CMTM4: variants seen among roughly 807,000 people sequenced by gnomAD.
CMTM4 encodes the protein CKLF-like MARVEL transmembrane domain-containing protein 4.
A neutral mutation model predicts 19.0 loss-of-function variants in CMTM4; 8 were observed. That is an observed-to-expected ratio of 0.42 (90% CI 0.25 to 0.76). The LOEUF is 0.76. Among genes scored for constraint, CMTM4 ranks in the 30% least tolerant of loss-of-function variants. The pLI is 0.27. For synonymous variants in CMTM4, 106 were observed against 121.1 expected, an observed-to-expected ratio of 0.88 and a Z score of 0.82; for missense variants, 228 against 290.2, an observed-to-expected ratio of 0.79 and a Z score of 1.56.
chr16:66,609,274 C>T, the CMTM4 span: 8 of 625,506 alleles, frequency 1.3e-5, no homozygotes, highest in Admixed American at 2.9e-5. The surrounding 1 kb of genome is among the most constrained non-coding windows in gnomAD (Gnocchi z 4.4). Flanking sequence ...AGAGGCACCT[C>T]GGGGGTGGGA....
rs78821417 is a variant in CMTM4, at chr16:66,658,865, G to A, written c.187-22284C>T. 2.4e-4 allele frequency among the ~76,000 whole-genome samples: 37 copies of A among 152,266 alleles called. No homozygotes were observed. The East Asian group carries it at 6.9e-3, about 29-fold the overall frequency. On this transcript the variant is annotated intron_variant, in intron 1 of 3. Coordinates refer to ENST00000394106, the MANE Select transcript of CMTM4 (RefSeq NM_181521.3). ...AGCATCAGTAGCTATTAAAGCCACC[G>A]ATGCGGAATTTCAAACAGATGGATC...
At chr16:66,669,708 AT>A (rs796294713) in intron 1 of CMTM4, among the ~76,000 whole-genome samples, 177 of 151,234 alleles carry the variant, frequency 1.2e-3, no homozygotes, top group African/African-American at 4.1e-3. Flanking sequence ...TGCCTGGCTA[AT>A]TTTTTTTTGT....
intron 1 of CMTM4, among the ~76,000 whole-genome samples, chr16:66,665,037 G>A (rs936697417): frequency 4.6e-5 from 7 of 151,922 alleles, no homozygotes; most frequent in South Asian, 2.1e-4. Flanking sequence ...TTGACCTACC[G>A]GGCTCAAGTG....
chr16:66,618,613 T>C lies in CMTM4; in HGVS notation c.*3445A>G. On this transcript the variant is annotated 3_prime_UTR_variant, in exon 4 of 4. Transcript: ENST00000394106. ...ACCCACTAGGGTTGTTCAGGTCTCA[T>C]TCACTGCAAGCAAGAATTCACGTAC... 1.0e-6 allele frequency: 1 copy of C among 985,480 alleles called. No individual in the cohort carries two copies. Among genetic ancestry groups the C allele is most frequent in the South Asian group, 4.7e-5 (1 of 21,288 alleles). 61.0% of individuals were successfully genotyped at this position (985,480 alleles called of 1,614,324 possible).
the CMTM4 span, chr16:66,609,272 C>A: frequency 1.3e-5 from 8 of 624,600 alleles, no homozygotes; most frequent in African/African-American, 1.8e-5. The surrounding 1 kb of genome is among the most constrained non-coding windows in gnomAD (Gnocchi z 4.4). Flanking sequence ...GCAGAGGCAC[C>A]TCGGGGGTGG....
chr16:66,668,833 G>A (rs931283329), intron 1 of CMTM4, among the ~76,000 whole-genome samples: 2 of 152,048 alleles, frequency 1.3e-5, no homozygotes, highest in African/African-American at 4.8e-5. Context: ...TAAAAAAAAG[G>A]ACTATGAAGG....
intron 2 of CMTM4, among the ~76,000 whole-genome samples, chr16:66,627,973 G>A (rs1023165465): frequency 6.6e-6 from 1 of 152,028 alleles, no homozygotes. Flanking sequence ...ATAGGGAGAA[G>A]GTCAGCAAAA....
Position 66,620,437 on chromosome 16 carries a change from A to G in CMTM4, c.*1621T>C. 1 of 985,442 alleles carries G rather than the reference A, an allele frequency of 1.0e-6. No homozygotes were observed. Among genetic ancestry groups the G allele is most frequent in the Non-Finnish European group, 1.2e-6 (1 of 829,958 alleles). 61.0% of individuals were successfully genotyped at this position (985,442 alleles called of 1,614,324 possible). A position where few individuals can be genotyped will look rare whatever the true frequency, so the allele number is the denominator to read the frequency against. ...CTGCTCCCAACTCAGATCGTACTGAAGGTGTTGGTGCAGGAAGCTAACCCC... is the reference window on the plus strand; with the variant it reads ...CTGCTCCCAACTCAGATCGTACTGAGGGTGTTGGTGCAGGAAGCTAACCCC... On this transcript the variant is annotated 3_prime_UTR_variant, in exon 4 of 4. Coordinates refer to ENST00000394106, the MANE Select transcript of CMTM4 (RefSeq NM_181521.3).
At chr16:66,695,408 T>G (rs1264643241) in intron 1 of CMTM4, among the ~76,000 whole-genome samples, 1 of 152,168 alleles carries the variant, frequency 6.6e-6, no homozygotes, top group South Asian at 2.1e-4. Flanking sequence ...TATAAAGTTT[T>G]GAGGCCGGTG....
In CMTM4 at chr16:66,620,466, T is replaced by TCCGA; in HGVS notation, c.*1588_*1591dup. On this transcript the variant is annotated 3_prime_UTR_variant, in exon 4 of 4. Transcript: ENST00000394106. ...GTTGGTGCAGGAAGCTAACCCCAAC[T>TCCGA]CCGACCCCCAGCCCAGCAGTGTTGC... is the stretch of plus-strand genomic sequence containing the variant. The TCCGA allele has an allele frequency of 1.2e-5, 12 of 985,428 alleles. No homozygotes were observed. Among genetic ancestry groups the TCCGA allele is most frequent in the Non-Finnish European group, 1.4e-5 (12 of 830,004 alleles). 61.0% of individuals were successfully genotyped at this position (985,428 alleles called of 1,614,324 possible).
At chr16:66,634,340 TG>T (rs2015947319) in intron 2 of CMTM4, among the ~76,000 whole-genome samples, 1 of 150,692 alleles carries the variant, frequency 6.6e-6, no homozygotes, top group Non-Finnish European at 1.5e-5. Context: ...CTAGGGAGGG[TG>T]AGGCAGGAGA....
intron 2 of CMTM4, among the ~76,000 whole-genome samples, chr16:66,630,901 T>TGCCCCGCC (rs1360490381): frequency 1.6e-4 from 24 of 148,826 alleles, no homozygotes; most frequent in Non-Finnish European, 3.4e-4. Context: ...GGAGCGCCTC[T>TGCCCCGCC]GCCCCGCCGC....
At chr16:66,642,783 G>A (rs1397557972) in intron 1 of CMTM4, among the ~76,000 whole-genome samples, 1 of 152,144 alleles carries the variant, frequency 6.6e-6, no homozygotes, top group African/African-American at 2.4e-5. Context: ...CCACAACTGT[G>A]GCAAATTATG....
At chr16:66,684,249 T>G (rs1002231330) in intron 1 of CMTM4, among the ~76,000 whole-genome samples, 2 of 152,108 alleles carry the variant, frequency 1.3e-5, no homozygotes, top group African/African-American at 2.4e-5. Context: ...CTCGGCTTAC[T>G]GAAACCTCCA....
At chr16:66,688,422 C>T (rs2017075152) in intron 1 of CMTM4, among the ~76,000 whole-genome samples, 1 of 152,044 alleles carries the variant, frequency 6.6e-6, no homozygotes, top group Admixed American at 6.6e-5. Context: ...AAGTGAGAGA[C>T]CTGCAGGAGA....
At chr16:66,610,145 A>G, downstream of CMTM4, 1 of 1,029,750 alleles carries the variant, frequency 9.7e-7, no homozygotes. The surrounding 1 kb of genome is among the most constrained non-coding windows in gnomAD (Gnocchi z 4.6). Context: ...ATTCTCACCT[A>G]CCCTCATGCA....
chr16:66,649,459 C>CATCT (rs71378403), intron 1 of CMTM4, among the ~76,000 whole-genome samples: 55,388 of 149,318 alleles, frequency 0.37, 10,458 homozygotes, highest in Middle Eastern at 0.44. Flanking sequence ...TCTATCTATC[C>CATCT]ATCTATCTAT....
At chr16:66,640,091 A>G (rs1772145490) in intron 1 of CMTM4, among the ~76,000 whole-genome samples, 1 of 152,104 alleles carries the variant, frequency 6.6e-6, no homozygotes, top group Non-Finnish European at 1.5e-5. Context: ...TGGGAGGCCG[A>G]GGCGGGTGGA....
chr16:66,658,068 A>T (rs910359462), intron 1 of CMTM4, among the ~76,000 whole-genome samples: 5 of 152,158 alleles, frequency 3.3e-5, no homozygotes, highest in Non-Finnish European at 7.3e-5. Context: ...AAAAAATATT[A>T]AAAAATTAAA....
Sources: allele counts gnomAD v4.1 joint callset (sites outside exome capture counted in the v4.1 genomes callset), GRCh38; gene constraint gnomAD v4.1.1; non-coding constraint Gnocchi (gnomAD v3.1); transcripts MANE v1.5; gene names NCBI Gene and HGNC (gene_info 2026-07-23, HGNC 2026-07-21).